The following ERICH6B variants were observed in gnomAD, a reference collection of about 807,000 sequenced individuals.
ERICH6B encodes glutamate rich 6B.
A neutral mutation model predicts 80.0 loss-of-function variants in ERICH6B; 69 were observed. The ratio of observed to expected loss-of-function variants is 0.86; its 90% CI spans 0.71 to 1.05. ERICH6B has a LOEUF of 1.05. ERICH6B is among the 50% of genes least tolerant of loss of function. The pLI is 0.00. For missense variants in ERICH6B, 754 were observed against 796.1 expected (o/e 0.95, Z 0.64); for synonymous variants, 283 against 291.9 (o/e 0.97, Z 0.31).
intron 13 of ERICH6B, among the ~76,000 whole-genome samples, chr13:45,546,657 A>G (rs931177938): frequency 5.3e-5 from 8 of 152,098 alleles, no homozygotes; most frequent in Non-Finnish European, 1.2e-4. Context: ...CCTAGACTGC[A>G]CTTCTGTCTG....
chr13:45,561,015 T>A (rs909663988), intron 11 of ERICH6B, among the ~76,000 whole-genome samples: 7 of 152,150 alleles, frequency 4.6e-5, no homozygotes, highest in African/African-American at 1.4e-4. Context: ...AGCCTCGAAC[T>A]CCTGGGCTCA....
At chr13:45,580,824 A>G (rs1484017790) in intron 5 of ERICH6B, among the ~76,000 whole-genome samples, 159 bp from the exon 6 acceptor site, 1 of 152,104 alleles carries the variant, frequency 6.6e-6, no homozygotes, top group Admixed American at 6.6e-5. Context: ...GCATATATAG[A>G]TGCCCCACTG....
intron 1 of ERICH6B, among the ~76,000 whole-genome samples, chr13:45,609,692 T>C (rs1949888851): frequency 2.0e-5 from 3 of 152,222 alleles, no homozygotes. Context: ...TGTTCACTGA[T>C]AGCTCCTGAG....
At chr13:45,563,191 C>T (rs1874763489) in intron 10 of ERICH6B, among the ~76,000 whole-genome samples, 1 of 152,124 alleles carries the variant, frequency 6.6e-6, no homozygotes, top group Non-Finnish European at 1.5e-5. Flanking sequence ...CCAATTTTTG[C>T]ATTAATATTC....
At chr13:45,612,174 C>A (rs1193439706) in intron 1 of ERICH6B, among the ~76,000 whole-genome samples, 1 of 152,126 alleles carries the variant, frequency 6.6e-6, no homozygotes, top group African/African-American at 2.4e-5. Flanking sequence ...AGACCTTATC[C>A]AATGTGCTTC....
At chr13:45,571,785 G>A (rs1875181136) in intron 8 of ERICH6B, among the ~76,000 whole-genome samples, 1 of 152,180 alleles carries the variant, frequency 6.6e-6, no homozygotes, top group Admixed American at 6.5e-5. Context: ...TGTCTTTACA[G>A]CCAGGGGAAA....
intron 11 of ERICH6B, among the ~76,000 whole-genome samples, chr13:45,554,891 C>T (rs1874372801): frequency 6.6e-6 from 1 of 152,234 alleles, no homozygotes; most frequent in South Asian, 2.1e-4. Context: ...GTGCACTCAG[C>T]AAACAGCTTG....
At position 45,610,587 on chromosome 13, in the gene ERICH6B, C is replaced by T. The variant is rs944335777; in HGVS notation, c.-110-2972G>A. Among the ~76,000 whole-genome samples the T allele has an allele frequency of 2.6e-5, 4 of 152,332 alleles. No individual in the cohort carries two copies. In the South Asian group the frequency reaches 6.2e-4, roughly 24 times the overall value. Reference sequence around the variant, plus strand: ...TCAGGTGGTTACAATGTGAACATCACAGCGTGTGCTCACACAAACCTACAT... The same window carrying T: ...TCAGGTGGTTACAATGTGAACATCATAGCGTGTGCTCACACAAACCTACAT... On this transcript the variant is annotated intron_variant, in intron 1 of 14. Coordinates refer to ENST00000298738, the MANE Select transcript of ERICH6B (RefSeq NM_182542.3).
At chr13:45,552,089 G>A (rs79967630) in intron 11 of ERICH6B, among the ~76,000 whole-genome samples, 2,334 of 152,252 alleles carry the variant, frequency 0.015, 54 homozygotes, top group African/African-American at 0.049. Context: ...TGACACACAA[G>A]TTATTTACAA....
Position 45,601,248 on chromosome 13 carries a change from A to G in ERICH6B, c.-58-4185T>C, listed in dbSNP as rs575498527. On this transcript the variant is annotated intron_variant, in intron 2 of 14. Transcript: ENST00000298738. ...CTCTTTTCTCCTGTTGCAATAGTTC[A>G]TGAGTAAAATATATTTTTACTGTGG... is the stretch of plus-strand genomic sequence containing the variant. Among the ~76,000 whole-genome samples the G allele has an allele frequency of 6.6e-5, 10 of 152,226 alleles. 1 individual carries two copies. In the South Asian group the frequency reaches 1.9e-3, roughly 28 times the overall value.
intron 8 of ERICH6B, among the ~76,000 whole-genome samples, chr13:45,569,936 G>A (rs1875081562): frequency 6.6e-6 from 1 of 152,164 alleles, no homozygotes; most frequent in Admixed American, 6.5e-5. Context: ...TTGGGATGAA[G>A]TGACTTTCTG....
chr13:45,605,380 G>T (rs185041381), intron 2 of ERICH6B, among the ~76,000 whole-genome samples: 108 of 152,292 alleles, frequency 7.1e-4, no homozygotes, highest in African/African-American at 2.5e-3. Flanking sequence ...GTATGGTCCC[G>T]CTTCTTCTCT....
chr13:45,549,812 G>T, intron 13 of ERICH6B, 81 bp downstream of exon 13: 1 of 1,425,094 alleles, frequency 7.0e-7, no homozygotes, highest in Non-Finnish European at 9.4e-7. Context: ...CAGGGAGGAA[G>T]TTCATACAGT....
intron 2 of ERICH6B, among the ~76,000 whole-genome samples, chr13:45,606,497 GTGTATGTGTATATATATATATATATATA>G (rs1383077984): frequency 0.091 from 2,336 of 25,722 alleles, 204 homozygotes; most frequent in African/African-American, 0.23. Flanking sequence ...GATCCCAAAA[GTGTATGTGTATATATATATATATATATA>G]TATATATATA....
intron 1 of ERICH6B, among the ~76,000 whole-genome samples, chr13:45,607,996 A>G (rs1949878842): frequency 6.6e-6 from 1 of 152,220 alleles, no homozygotes. Flanking sequence ...AGATTATGCT[A>G]CATTCCTTTC....
intron 12 of ERICH6B, 28 bp from the exon 13 acceptor site, chr13:45,550,073 C>A (rs1874155376): frequency 1.9e-6 from 3 of 1,550,336 alleles, no homozygotes; most frequent in Non-Finnish European, 2.6e-6. Flanking sequence ...CACAAGTAGT[C>A]AGTCCTTGGG....
At chr13:45,552,656 G>T (rs988441730) in intron 11 of ERICH6B, among the ~76,000 whole-genome samples, 2 of 151,588 alleles carry the variant, frequency 1.3e-5, no homozygotes, top group African/African-American at 4.9e-5. Flanking sequence ...GAATCTTAAG[G>T]CCTCAAAAAA....
intron 4 of ERICH6B, among the ~76,000 whole-genome samples, chr13:45,588,200 G>T (rs1472917813): frequency 1.3e-5 from 2 of 152,186 alleles, no homozygotes; most frequent in Non-Finnish European, 2.9e-5. Flanking sequence ...TGAAGGGAGA[G>T]AGCAGAAGCC....
chr13:45,597,904 T>C (rs1162368246), intron 2 of ERICH6B, among the ~76,000 whole-genome samples: 1 of 152,190 alleles, frequency 6.6e-6, no homozygotes, highest in African/African-American at 2.4e-5. Context: ...TTCCCCATGG[T>C]GAACATGCCA....
Sources: gnomAD v4.1 joint callset for allele counts (sites outside exome capture counted in the v4.1 genomes callset) on GRCh38, gnomAD v4.1.1 for gene constraint, MANE v1.5 for transcripts, NCBI Gene and HGNC (gene_info 2026-07-23, HGNC 2026-07-21) for gene names.